Variants in GPAT3 observed in about 807,000 individuals in gnomAD.
The protein encoded by GPAT3 is glycerol-3-phosphate acyltransferase 3, also known as 1-AGP acyltransferase 9.
Under a neutral mutation model 58.8 loss-of-function variants are expected in GPAT3, and 53 were observed. The observed-to-expected ratio is 0.90, with a 90% CI of 0.72 to 1.13. The LOEUF is 1.13. GPAT3 is among the 50% of genes most tolerant of loss of function. The pLI is 0.00. For missense variants in GPAT3, 511 were observed against 527.6 expected, an observed-to-expected ratio of 0.97 and a Z score of 0.31; for synonymous variants, 197 against 187.4, an observed-to-expected ratio of 1.05 and a Z score of -0.42.
chr4:83,591,003 GTAGTTAAA>G (rs1726578695), intron 6 of GPAT3, among the ~76,000 whole-genome samples: 1 of 151,288 alleles, frequency 6.6e-6, no homozygotes, highest in Non-Finnish European at 1.5e-5. Context: ...AAGCTGCATG[GTAGTTAAA>G]TATGCCTTCA....
intron 2 of GPAT3, among the ~76,000 whole-genome samples, chr4:83,579,226 CCT>C (rs1726014466): frequency 7.0e-6 from 1 of 142,552 alleles, no homozygotes; most frequent in African/African-American, 2.6e-5. Flanking sequence ...TTCCTTCCTT[CCT>C]TCTCTCCCTC....
intron 11 of GPAT3, among the ~76,000 whole-genome samples, chr4:83,602,557 AAG>A (rs34392466): frequency 0.23 from 34,845 of 152,006 alleles, 4,738 homozygotes; most frequent in South Asian, 0.35. Context: ...TCCCTCTCTT[AAG>A]AACTAAGACC....
At chr4:83,600,609 T>C (rs1180911460) in intron 11 of GPAT3, among the ~76,000 whole-genome samples, 1 of 151,952 alleles carries the variant, frequency 6.6e-6, no homozygotes, top group African/African-American at 2.4e-5. Context: ...TTTAAGCAAT[T>C]CTCCTGCCTC....
At chr4:83,600,952 A>C (rs1395978052) in intron 11 of GPAT3, among the ~76,000 whole-genome samples, 1 of 152,264 alleles carries the variant, frequency 6.6e-6, no homozygotes, top group East Asian at 1.9e-4. Flanking sequence ...ATTTCAGACA[A>C]TTGTAGCAAT....
chr4:83,550,166 G>A (rs1264435688), intron 2 of GPAT3, among the ~76,000 whole-genome samples: 1 of 151,858 alleles, frequency 6.6e-6, no homozygotes, highest in Non-Finnish European at 1.5e-5. Flanking sequence ...GCCCAGCTGA[G>A]TTTTTCTTTT....
intron 10 of GPAT3, 75 bp from the exon 11 acceptor site, chr4:83,598,569 T>C: frequency 8.4e-7 from 1 of 1,195,016 alleles, no homozygotes; most frequent in South Asian, 1.3e-5. Context: ...TTAAAACAAA[T>C]ACAAATGATT....
At chr4:83,571,734 A>G (rs1394079742) in intron 2 of GPAT3, among the ~76,000 whole-genome samples, 15 of 150,400 alleles carry the variant, frequency 1.0e-4, no homozygotes, top group Non-Finnish European at 1.8e-4. Context: ...ATATATATAT[A>G]TACACGCATA....
intron 2 of GPAT3, among the ~76,000 whole-genome samples, chr4:83,570,982 C>T (rs1725585013): frequency 6.6e-6 from 1 of 152,174 alleles, no homozygotes; most frequent in African/African-American, 2.4e-5. Context: ...CTTCATCTCT[C>T]AGTCCCAGTG....
intron 4 of GPAT3, 95 bp downstream of exon 4, chr4:83,587,424 A>G: frequency 3.2e-6 from 3 of 947,170 alleles, no homozygotes; most frequent in Non-Finnish European, 4.7e-6. Flanking sequence ...TATGTATTGC[A>G]TTATTATTAT....
chr4:83,552,092 G>A (rs967484888), intron 2 of GPAT3, among the ~76,000 whole-genome samples: 1 of 152,082 alleles, frequency 6.6e-6, no homozygotes, highest in Admixed American at 6.6e-5. Flanking sequence ...ACCAGTGCCT[G>A]GAATTTAAAC....
chr4:83,566,770 T>A (rs193241452), intron 2 of GPAT3, among the ~76,000 whole-genome samples: 3 of 151,850 alleles, frequency 2.0e-5, no homozygotes, highest in African/African-American at 7.2e-5. Context: ...TTTCTTTTTT[T>A]TTCCCCCATT....
rs1724400674 is a variant in GPAT3 at position 83,543,827 on chromosome 4, G to C, written c.142-709G>C. Among the ~76,000 whole-genome samples the C allele has an allele frequency of 2.0e-5, 3 of 152,060 alleles. No individual in the cohort carries two copies. In the South Asian group the frequency reaches 6.2e-4, roughly 32 times the overall value. The stretch of plus-strand genomic sequence containing the variant: ...GGCTAATTTTTGTATTTTTAGTAGA[G>C]ATGGGGTTTCGCCATGTTGGCCAGG... On this transcript the variant is annotated intron_variant, in intron 1 of 11. Coordinates refer to ENST00000264409, the MANE Select transcript of GPAT3 (RefSeq NM_032717.5).
intron 2 of GPAT3, among the ~76,000 whole-genome samples, chr4:83,562,182 TATA>T (rs1725152926): frequency 3.2e-5 from 1 of 30,826 alleles, no homozygotes; most frequent in African/African-American, 1.2e-4. Context: ...TTATATATTA[TATA>T]TATATATATA....
chr4:83,584,414 A>G (rs1341912559), intron 3 of GPAT3, among the ~76,000 whole-genome samples: 1 of 152,244 alleles, frequency 6.6e-6, no homozygotes, highest in East Asian at 1.9e-4. Context: ...AGCACCTACT[A>G]CAAAATGAGC....
chr4:83,537,928 G>T (rs1438523174), intron 1 of GPAT3, among the ~76,000 whole-genome samples: 6 of 152,116 alleles, frequency 3.9e-5, no homozygotes, highest in Non-Finnish European at 8.8e-5. Context: ...TAAAATAGGA[G>T]TAACAATAAC....
At chr4:83,584,063 G>T (rs1726272040) in intron 3 of GPAT3, among the ~76,000 whole-genome samples, 2 of 152,154 alleles carry the variant, frequency 1.3e-5, no homozygotes, top group Admixed American at 1.3e-4. Flanking sequence ...TAACCTGAAG[G>T]AAGAATGAGG....
intron 7 of GPAT3, among the ~76,000 whole-genome samples, chr4:83,595,695 CA>C (rs1450629304): frequency 2.0e-5 from 3 of 151,140 alleles, no homozygotes; most frequent in Non-Finnish European, 2.9e-5. Flanking sequence ...GCCTAGGCAA[CA>C]GGGGGAGACC....
intron 11 of GPAT3, 78 bp from the exon 12 acceptor site, chr4:83,604,590 C>T: frequency 8.9e-7 from 1 of 1,121,480 alleles, no homozygotes; most frequent in Non-Finnish European, 1.3e-6. Flanking sequence ...TGGTATCATG[C>T]AGCATGTAAT....
At chr4:83,574,651 T>A (rs1725723889) in intron 2 of GPAT3, among the ~76,000 whole-genome samples, 1 of 82,746 alleles carries the variant, frequency 1.2e-5, no homozygotes, top group African/African-American at 4.7e-5. Flanking sequence ...TTTTTTTTTT[T>A]TTTTTTTTTT....
Sources: gnomAD v4.1 joint callset for allele counts (sites outside exome capture counted in the v4.1 genomes callset) on GRCh38, gnomAD v4.1.1 for gene constraint, MANE v1.5 for transcripts, NCBI Gene and HGNC (gene_info 2026-07-23, HGNC 2026-07-21) for gene names.